GPR107: variants seen among roughly 807,000 people sequenced by gnomAD.
GPR107 encodes the protein G protein-coupled receptor 107.
A neutral mutation model predicts 75.5 loss-of-function variants in GPR107; 31 were observed. The ratio of observed to expected loss-of-function variants is 0.41; its 90% confidence interval spans 0.31 to 0.55. The LOEUF is 0.55. Among genes scored for constraint, GPR107 ranks in the 20% least tolerant of loss-of-function variants. The pLI, the probability that GPR107 is intolerant of heterozygous loss-of-function variation, is 0.26. For synonymous variants in GPR107, 267 were observed against 251.3 expected (o/e 1.06, Z -0.59); for missense variants, 572 against 665.7 (o/e 0.86, Z 1.55).
At chr9:130,117,973 C>T (rs1831466093) in intron 14 of GPR107, among the ~76,000 whole-genome samples, 1 of 152,220 alleles carries the variant, frequency 6.6e-6, no homozygotes, top group Admixed American at 6.5e-5. Flanking sequence ...ACTAATCGTC[C>T]TGACCTGTGT....
At chr9:130,119,824 TTTG>T (rs930281443) in intron 14 of GPR107, among the ~76,000 whole-genome samples, 11 of 882 alleles carry the variant, frequency 0.012, no homozygotes, top group South Asian at 0.11. Flanking sequence ...GTCTGTTTTT[TTTG>T]TTTGTTTGTT....
At chr9:130,119,913 C>A (rs1240375557) in intron 14 of GPR107, among the ~76,000 whole-genome samples, 1 of 152,150 alleles carries the variant, frequency 6.6e-6, no homozygotes, top group African/African-American at 2.4e-5. Flanking sequence ...TCACGGCTTA[C>A]TTTGGCCTCA....
intron 1 of GPR107, among the ~76,000 whole-genome samples, chr9:130,071,360 A>C (rs531820848): frequency 6.6e-6 from 1 of 151,812 alleles, no homozygotes; most frequent in South Asian, 2.1e-4. Flanking sequence ...AATGTTACTG[A>C]ATATAGCTTT....
rs558946628 is a variant in GPR107 at position 130,127,029 on chromosome 9, AGTGTGGAC to A, written c.1357-453_1357-446del. ...ACTTGGTAGTATTTGTACTTCTGTG[AGTGTGGAC>A]CTCGAATGCTTGCAGCATCTGCCAG... is the stretch of plus-strand genomic sequence containing the variant. On this transcript the variant is annotated intron_variant, in intron 15 of 17. Coordinates refer to ENST00000347136, the MANE Select transcript of GPR107 (RefSeq NM_020960.5). 2.1e-3 allele frequency among the ~76,000 whole-genome samples: 326 copies of A among 152,340 alleles called. 2 individuals are homozygous for A. Among genetic ancestry groups the A allele is most frequent in the African/African-American group, 7.6e-3 (314 of 41,570 alleles).
intron 2 of GPR107, among the ~76,000 whole-genome samples, chr9:130,076,106 G>A (rs1830343932): frequency 6.6e-6 from 1 of 152,178 alleles, no homozygotes; most frequent in African/African-American, 2.4e-5. Context: ...TAGCTTAGGT[G>A]AGAGTCACCT....
At chr9:130,130,231 A>G (rs1831787743) in intron 17 of GPR107, among the ~76,000 whole-genome samples, 1 of 152,214 alleles carries the variant, frequency 6.6e-6, no homozygotes, top group Non-Finnish European at 1.5e-5. Flanking sequence ...TTACCGGTCA[A>G]TAATCAGCAA....
intron 1 of GPR107, among the ~76,000 whole-genome samples, chr9:130,073,301 G>A (rs946303805): frequency 3.3e-5 from 5 of 152,194 alleles, no homozygotes; most frequent in African/African-American, 1.2e-4. Flanking sequence ...ATGTAGTTGA[G>A]TTAATGTCTC....
intron 14 of GPR107, among the ~76,000 whole-genome samples, chr9:130,122,813 C>T (rs1831578778): frequency 6.6e-6 from 1 of 152,064 alleles, no homozygotes; most frequent in Admixed American, 6.5e-5. Context: ...CCTGCCTGAG[C>T]AACATAGTGA....
At chr9:130,096,467 A>AC (rs1491240833) in intron 9 of GPR107, among the ~76,000 whole-genome samples, 2 of 78,560 alleles carry the variant, frequency 2.5e-5, no homozygotes, top group African/African-American at 1.0e-4. Context: ...ACATTTTTGG[A>AC]CTTTTTTTTT....
At chr9:130,071,840 A>T (rs200515818) in intron 1 of GPR107, among the ~76,000 whole-genome samples, 1 of 151,742 alleles carries the variant, frequency 6.6e-6, no homozygotes, top group East Asian at 1.9e-4. Context: ...GCCTGCCAGC[A>T]AGCCTGGCTT....
chr9:130,081,572 C>T (rs918429403), intron 5 of GPR107, among the ~76,000 whole-genome samples: 1 of 151,876 alleles, frequency 6.6e-6, no homozygotes, highest in African/African-American at 2.4e-5. Context: ...ACTCAGGAGA[C>T]TGAGGCAGGA....
chr9:130,106,373 C>T (rs974289905), intron 13 of GPR107, among the ~76,000 whole-genome samples: 15 of 151,878 alleles, frequency 9.9e-5, no homozygotes, highest in Non-Finnish European at 2.1e-4. Flanking sequence ...CTGAGGTGGG[C>T]GGATCACGAG....
intron 5 of GPR107, among the ~76,000 whole-genome samples, chr9:130,082,792 A>G (rs1003518622): frequency 6.6e-6 from 1 of 151,382 alleles, no homozygotes; most frequent in Non-Finnish European, 1.5e-5. Flanking sequence ...GAATATCTTA[A>G]GTGAAAACAA....
intron 1 of GPR107, among the ~76,000 whole-genome samples, chr9:130,058,611 C>T (rs570014788): frequency 2.0e-5 from 3 of 152,108 alleles, no homozygotes; most frequent in African/African-American, 7.2e-5. Flanking sequence ...ATTACAGGCA[C>T]CTGCCACCAC....
At chr9:130,133,448 G>A (rs540072926) in intron 17 of GPR107, among the ~76,000 whole-genome samples, 61 of 152,244 alleles carry the variant, frequency 4.0e-4, no homozygotes, top group South Asian at 3.1e-3. Context: ...ACGTGGGGTC[G>A]CATTTCTTTG....
chr9:130,080,323 T>A (rs1830462282), intron 5 of GPR107, among the ~76,000 whole-genome samples: 1 of 152,208 alleles, frequency 6.6e-6, no homozygotes. Context: ...TGTATATTTT[T>A]AAATTCCTTT....
chr9:130,093,341 TGTAAA>T (rs897976076), intron 9 of GPR107, among the ~76,000 whole-genome samples: 10 of 152,170 alleles, frequency 6.6e-5, no homozygotes, highest in South Asian at 2.1e-4. Flanking sequence ...TAGAGAATCG[TGTAAA>T]GTATTTATTA....
intron 17 of GPR107, among the ~76,000 whole-genome samples, chr9:130,132,711 A>G (rs1374067677): frequency 2.6e-5 from 4 of 152,068 alleles, no homozygotes; most frequent in Non-Finnish European, 5.9e-5. Flanking sequence ...ACTTGAACCC[A>G]GGAGACGGAG....
chr9:130,092,676 C>T (rs1016494042), intron 9 of GPR107, among the ~76,000 whole-genome samples: 10 of 151,680 alleles, frequency 6.6e-5, no homozygotes, highest in Non-Finnish European at 1.3e-4. Flanking sequence ...AGTGCAGTGG[C>T]GTGATCTCAG....
Sources: gnomAD v4.1 joint callset for allele counts (sites outside exome capture counted in the v4.1 genomes callset) on GRCh38, gnomAD v4.1.1 for gene constraint, MANE v1.5 for transcripts, NCBI Gene and HGNC (gene_info 2026-07-23, HGNC 2026-07-21) for gene names.